ZBTB20: variants seen among roughly 807,000 people sequenced by gnomAD.
ZBTB20 encodes the protein zinc finger and BTB domain-containing protein 20.
ZBTB20 carries 9 observed loss-of-function variants against 56.9 expected under a neutral mutation model. The observed-to-expected ratio is 0.16, with a 90% CI of 0.10 to 0.28. The LOEUF (loss-of-function observed/expected upper bound fraction) is 0.28. Ranked by LOEUF, ZBTB20 falls within the 10% of genes least tolerant of loss-of-function variation. The probability of loss-of-function intolerance (pLI) is 1.00; values close to 1 mark genes in which losing one functional copy is unlikely to be tolerated. For synonymous variants in ZBTB20, 417 were observed against 420.7 expected, an observed-to-expected ratio of 0.99 and a Z score of 0.11; for missense variants, 655 against 1,003.0, an observed-to-expected ratio of 0.65 and a Z score of 4.69.
chr3:114,751,936 G>T (rs573129899), intron 5 of ZBTB20, among the ~76,000 whole-genome samples: 10 of 152,134 alleles, frequency 6.6e-5, no homozygotes, highest in African/African-American at 2.4e-4. Flanking sequence ...AATAATAATG[G>T]AGTTGTACTG....
At chr3:115,019,540 A>C (rs754620218) in intron 2 of ZBTB20, among the ~76,000 whole-genome samples, 24 of 151,312 alleles carry the variant, frequency 1.6e-4, no homozygotes, top group Non-Finnish European at 2.5e-4. Flanking sequence ...TGTTAACATT[A>C]GACTCATGAA....
intron 6 of ZBTB20, among the ~76,000 whole-genome samples, chr3:114,672,859 C>T (rs1001129403): frequency 1.3e-5 from 2 of 152,082 alleles, no homozygotes; most frequent in African/African-American, 4.8e-5. Context: ...TCAAGTTTCA[C>T]AAAATATGGG....
chr3:115,019,579 C>T (rs747912790), intron 2 of ZBTB20, among the ~76,000 whole-genome samples: 6 of 151,140 alleles, frequency 4.0e-5, no homozygotes, highest in Non-Finnish European at 7.4e-5. Flanking sequence ...GTACTTTATT[C>T]GTTCTTTTAG....
In ZBTB20 at chr3:114,810,727, C is replaced by T. The variant is rs539611693; in HGVS notation, c.-416-9553G>A. Among the ~76,000 whole-genome samples, 18 of 152,240 alleles carry T rather than the reference C, an allele frequency of 1.2e-4. 1 individual carries two copies. The South Asian group carries it at 3.7e-3, about 32-fold the overall frequency. The stretch of plus-strand genomic sequence containing the variant: ...CTTATGCCATATGCCATTTCTTCAG[C>T]GAATGACCACTGCCTAATTCTTTTC... On this transcript the variant is annotated intron_variant, in intron 4 of 11. Coordinates refer to ENST00000675478, the MANE Select transcript of ZBTB20 (RefSeq NM_001348800.3).
chr3:115,123,900 G>C (rs1250156108), intron 1 of ZBTB20, among the ~76,000 whole-genome samples: 2 of 152,102 alleles, frequency 1.3e-5, no homozygotes, highest in Admixed American at 6.6e-5. Flanking sequence ...ACTCAGTAAA[G>C]ATTTCACAAG....
chr3:114,583,543 G>C (rs1224348920), intron 6 of ZBTB20, among the ~76,000 whole-genome samples: 2 of 152,048 alleles, frequency 1.3e-5, no homozygotes, highest in Non-Finnish European at 2.9e-5. Context: ...GAACGTTACA[G>C]TATGACCTAC....
chr3:114,520,286 A>G (rs990383309), intron 6 of ZBTB20, among the ~76,000 whole-genome samples: 1 of 152,124 alleles, frequency 6.6e-6, no homozygotes, highest in Non-Finnish European at 1.5e-5. Flanking sequence ...TCAGACAAAA[A>G]CACTTAAAGG....
At chr3:114,978,460 A>C (rs2078196086) in intron 2 of ZBTB20, among the ~76,000 whole-genome samples, 1 of 151,580 alleles carries the variant, frequency 6.6e-6, no homozygotes, top group East Asian at 1.9e-4. Context: ...GGTTAGATAA[A>C]TTATATGTAA....
chr3:114,966,698 A>C (rs1474514333), intron 3 of ZBTB20, among the ~76,000 whole-genome samples: 2 of 152,056 alleles, frequency 1.3e-5, no homozygotes, highest in Non-Finnish European at 2.9e-5. Flanking sequence ...AGGTTAAATA[A>C]ACAAACGTTC....
chr3:114,628,624 A>T (rs2058769405), intron 6 of ZBTB20, among the ~76,000 whole-genome samples: 1 of 152,134 alleles, frequency 6.6e-6, no homozygotes, highest in Non-Finnish European at 1.5e-5. Flanking sequence ...TGGCATACTA[A>T]TAAGAGCCAA....
chr3:114,585,299 G>T (rs781289665), intron 6 of ZBTB20, among the ~76,000 whole-genome samples: 3 of 152,124 alleles, frequency 2.0e-5, no homozygotes, highest in Non-Finnish European at 4.4e-5. Flanking sequence ...CAAGAGCATG[G>T]GTCTGATTAG....
intron 6 of ZBTB20, among the ~76,000 whole-genome samples, chr3:114,537,801 C>T (rs1436850654): frequency 1.3e-5 from 2 of 152,088 alleles, no homozygotes. Flanking sequence ...GAATACTATG[C>T]AGCCATTAAA....
intron 6 of ZBTB20, among the ~76,000 whole-genome samples, chr3:114,688,648 TAAAC>T (rs1448844101): frequency 6.6e-6 from 1 of 152,128 alleles, no homozygotes; most frequent in Non-Finnish European, 1.5e-5. Flanking sequence ...ACAATAAAAA[TAAAC>T]AAAGACATGA....
intron 1 of ZBTB20, among the ~76,000 whole-genome samples, chr3:115,078,711 G>T (rs1307544338): frequency 6.7e-6 from 1 of 150,118 alleles, no homozygotes; most frequent in Non-Finnish European, 1.5e-5. Context: ...AACCAGCAAT[G>T]GTAATAACAA....
intron 6 of ZBTB20, among the ~76,000 whole-genome samples, chr3:114,533,216 C>T (rs1222079818): frequency 2.0e-5 from 3 of 151,888 alleles, no homozygotes; most frequent in African/African-American, 7.3e-5. Flanking sequence ...CATGTTCTAA[C>T]CCAATGCAAG....
At chr3:114,435,732 T>C (rs577191085) in intron 7 of ZBTB20, among the ~76,000 whole-genome samples, 9 of 152,296 alleles carry the variant, frequency 5.9e-5, no homozygotes, top group African/African-American at 1.4e-4. Flanking sequence ...TACATATTAT[T>C]TGAATATCTG....
chr3:114,602,931 T>C (rs1380577337), intron 6 of ZBTB20, among the ~76,000 whole-genome samples: 2 of 152,028 alleles, frequency 1.3e-5, no homozygotes, highest in Non-Finnish European at 2.9e-5. Flanking sequence ...AGGGAAATCA[T>C]GGCAGAGAGA....
At chr3:115,045,970 GT>G (rs1251539733) in intron 2 of ZBTB20, among the ~76,000 whole-genome samples, 3 of 152,246 alleles carry the variant, frequency 2.0e-5, no homozygotes, top group East Asian at 3.9e-4. Context: ...TTTCATCAAG[GT>G]ATCTCTTACT....
intron 2 of ZBTB20, among the ~76,000 whole-genome samples, chr3:114,992,030 C>G (rs1041320932): frequency 1.3e-5 from 2 of 151,124 alleles, no homozygotes; most frequent in African/African-American, 4.9e-5. Context: ...CTCTCCTAAA[C>G]TTTTTTTTTG....
Sources: allele counts gnomAD v4.1 joint callset (sites outside exome capture counted in the v4.1 genomes callset), GRCh38; gene constraint gnomAD v4.1.1; transcripts MANE v1.5; gene names NCBI Gene and HGNC (gene_info 2026-07-23, HGNC 2026-07-21).